TSPAN14: variants seen among roughly 807,000 people sequenced by gnomAD.
TSPAN14 encodes tetraspanin 14.
A neutral mutation model predicts 36.6 loss-of-function variants in TSPAN14; 16 were observed. The ratio of observed to expected loss-of-function variants is 0.44; its 90% CI spans 0.30 to 0.66. The LOEUF (loss-of-function observed/expected upper bound fraction) is 0.66. Among genes scored for constraint, TSPAN14 ranks in the 30% least tolerant of loss-of-function variants. The pLI is 0.12. For synonymous variants in TSPAN14, 139 were observed against 143.8 expected, an observed-to-expected ratio of 0.97 and a Z score of 0.24; for missense variants, 231 against 355.1, an observed-to-expected ratio of 0.65 and a Z score of 2.81.
At chr10:80,467,576 A>G (rs1215328636) in intron 1 of TSPAN14, among the ~76,000 whole-genome samples, 3 of 152,194 alleles carry the variant, frequency 2.0e-5, no homozygotes, top group African/African-American at 7.2e-5. Context: ...AAATGGTTCT[A>G]TTAATCTAAC....
exon 9 of TSPAN14, chr10:80,518,259 TC>T (rs1314546531): frequency 1.7e-5 from 8 of 478,936 alleles, no homozygotes; most frequent in Non-Finnish European, 3.0e-5. Context: ...CAGAGAGGGC[TC>T]CTGTGGCTGC....
intron 1 of TSPAN14, among the ~76,000 whole-genome samples, chr10:80,468,195 T>G (rs1846343585): frequency 6.6e-6 from 1 of 152,114 alleles, no homozygotes; most frequent in Non-Finnish European, 1.5e-5. Flanking sequence ...AAACCAGCAC[T>G]GCCTACCAGG....
rs146246323 is a variant in TSPAN14 at position 80,480,106 on chromosome 10, G to A, written c.-17-9111G>A. Among the ~76,000 whole-genome samples the A allele has an allele frequency of 2.6e-5, 4 of 151,032 alleles. No homozygotes were observed. In the East Asian group the frequency reaches 7.7e-4, roughly 29 times the overall value. On this transcript the variant is annotated intron_variant, in intron 1 of 8. Transcript: ENST00000429989. ...TTGGCTCTCTGTTTGTCTGTTATTG[G>A]CGTCTAAGAATGCTTGTGATTTTTG...
intron 1 of TSPAN14, among the ~76,000 whole-genome samples, chr10:80,460,427 C>T (rs976907419): frequency 1.3e-4 from 20 of 152,068 alleles, no homozygotes; most frequent in Non-Finnish European, 2.9e-4. Context: ...AGTTAGGAAC[C>T]CTAGGTCAGG....
At chr10:80,512,455 T>G (rs78615883) in intron 6 of TSPAN14, among the ~76,000 whole-genome samples, 186 bp downstream of exon 6, 7,567 of 152,270 alleles carry the variant, frequency 0.05, 655 homozygotes, top group African/African-American at 0.17. Context: ...CTAGGAACAC[T>G]GCTTGCATGA....
intron 1 of TSPAN14, among the ~76,000 whole-genome samples, chr10:80,475,626 T>C (rs989062224): frequency 2.6e-5 from 4 of 152,152 alleles, no homozygotes; most frequent in Admixed American, 1.3e-4. Context: ...CTCGCTCTGT[T>C]GCCCAGGCTG....
intron 2 of TSPAN14, among the ~76,000 whole-genome samples, chr10:80,492,944 C>T (rs903487229): frequency 3.3e-5 from 5 of 152,130 alleles, no homozygotes; most frequent in South Asian, 2.1e-4. Flanking sequence ...TTAAAACCTG[C>T]TTGGGATAAG....
At chr10:80,475,726 A>G (rs1478987507) in intron 1 of TSPAN14, among the ~76,000 whole-genome samples, 2 of 152,140 alleles carry the variant, frequency 1.3e-5, no homozygotes, top group Non-Finnish European at 2.9e-5. Flanking sequence ...AGCTAGGATT[A>G]TAGGCGCCTG....
At chr10:80,513,175 A>T (rs963231146) in intron 6 of TSPAN14, among the ~76,000 whole-genome samples, 1 of 152,172 alleles carries the variant, frequency 6.6e-6, no homozygotes, top group African/African-American at 2.4e-5. Context: ...CTGGGATTAC[A>T]GGTGTGGGCC....
At chr10:80,508,133 T>TTTTG (rs1554866118) in intron 4 of TSPAN14, among the ~76,000 whole-genome samples, 32 of 149,560 alleles carry the variant, frequency 2.1e-4, no homozygotes, top group South Asian at 1.3e-3. Flanking sequence ...TTTTTTTTTT[T>TTTTG]GATACCGAGT....
intron 3 of TSPAN14, 78 bp downstream of exon 3, chr10:80,504,856 A>G (rs907222232): frequency 2.3e-5 from 34 of 1,467,148 alleles, no homozygotes; most frequent in East Asian, 4.5e-5. Context: ...CCCTCCTCCA[A>G]TCTGTTCCCT....
At chr10:80,516,344 G>A (rs1840940819) in intron 8 of TSPAN14, 21 bp downstream of exon 8, 2 of 1,613,564 alleles carry the variant, frequency 1.2e-6, no homozygotes, top group African/African-American at 1.3e-5. Flanking sequence ...GGAGCCTATA[G>A]GATTGGCAGG....
chr10:80,490,981 A>T (rs1283414658), intron 2 of TSPAN14, among the ~76,000 whole-genome samples: 2 of 152,196 alleles, frequency 1.3e-5, no homozygotes, highest in Non-Finnish European at 2.9e-5. Context: ...TTTTGCTTCT[A>T]CTGCAGATTT....
chr10:80,522,596 C>T (rs952098180), exon 9 of TSPAN14: 3 of 152,048 alleles, frequency 2.0e-5, no homozygotes, highest in Admixed American at 1.3e-4. Context: ...TTAAAAAGTA[C>T]ACTTAAATAA....
At chr10:80,520,836 C>T in exon 9 of TSPAN14, 2 of 532,904 alleles carry the variant, frequency 3.8e-6, no homozygotes, top group African/African-American at 1.9e-5. Context: ...GCACCAGACA[C>T]TGCACCTCCT....
At chr10:80,470,522 C>G (rs909035367) in intron 1 of TSPAN14, among the ~76,000 whole-genome samples, 9 of 152,214 alleles carry the variant, frequency 5.9e-5, no homozygotes, top group African/African-American at 2.2e-4. Flanking sequence ...AATCTTTATG[C>G]CTTTCAGGCG....
At chr10:80,490,473 G>C (rs1213922712) in intron 2 of TSPAN14, among the ~76,000 whole-genome samples, 1 of 152,216 alleles carries the variant, frequency 6.6e-6, no homozygotes, top group Non-Finnish European at 1.5e-5. Context: ...GGAAGACCAG[G>C]AGATTGTGTA....
chr10:80,476,605 T>TG (rs1310636815), intron 1 of TSPAN14, among the ~76,000 whole-genome samples: 1 of 151,760 alleles, frequency 6.6e-6, no homozygotes, highest in Non-Finnish European at 1.5e-5. Flanking sequence ...TTAGTAGAGA[T>TG]GGGGTTTTAC....
At chr10:80,512,420 C>A in intron 6 of TSPAN14, 151 bp downstream of exon 6, 1 of 1,189,938 alleles carries the variant, frequency 8.4e-7, no homozygotes, top group Non-Finnish European at 1.1e-6. Context: ...GCTGCCTCAG[C>A]TCTGAAATCC....
Sources: allele counts gnomAD v4.1 joint callset (sites outside exome capture counted in the v4.1 genomes callset), GRCh38; gene constraint gnomAD v4.1.1; transcripts MANE v1.5; gene names NCBI Gene and HGNC (gene_info 2026-07-23, HGNC 2026-07-21).